Variants in OSBPL5 observed in about 807,000 individuals in gnomAD.
The protein encoded by OSBPL5 is oxysterol binding protein like 5.
In OSBPL5, 71 loss-of-function variants were observed where a neutral mutation model predicts 111.2. That is an observed-to-expected ratio of 0.64 (90% CI 0.53 to 0.78). The LOEUF (loss-of-function observed/expected upper bound fraction) is 0.78, where lower values mean the gene tolerates loss of function less well. Among genes scored for constraint, OSBPL5 ranks in the 30% least tolerant of loss-of-function variants. OSBPL5 has a pLI of 0.00. For synonymous variants in OSBPL5, 549 were observed against 513.9 expected, an observed-to-expected ratio of 1.07 and a Z score of -0.93; for missense variants, 1,210 against 1,189.3, an observed-to-expected ratio of 1.02 and a Z score of -0.26.
intron 3 of OSBPL5, among the ~76,000 whole-genome samples, chr11:3,122,739 G>T (rs1239552245): frequency 1.3e-5 from 2 of 152,212 alleles, no homozygotes; most frequent in African/African-American, 4.8e-5. Flanking sequence ...GGGACATCAG[G>T]GTTCAGGGCT....
At position 3,120,460 on chromosome 11, in the gene OSBPL5, C is replaced by G; in HGVS notation, c.567G>C (p.Lys189Asn). 1 of 1,613,306 alleles carries G rather than the reference C, an allele frequency of 6.2e-7. No homozygotes were observed. The highest frequency in any genetic ancestry group is 8.5e-7 in the Non-Finnish European group (1 of 1,180,018). Residue 189 changes from lysine (K) to asparagine (N), a missense_variant, in exon 6 of 22, where the codon AAG (lysine) becomes AAC (asparagine). By Grantham distance (94) the Lys-to-Asn change is moderately conservative (BLOSUM62 0). Coordinates refer to ENST00000263650, the MANE Select transcript of OSBPL5 (RefSeq NM_020896.4). The part of the protein sequence containing the change: ...RPSKKDGFCF[K>N]LFHPLDQSVW... Reference sequence around the variant, plus strand: ...CGGACTGATCCAGCGGGTGGAAGAGCTTGAAGCAGAAGCCGTCCTTCTTGG... The same window carrying G: ...CGGACTGATCCAGCGGGTGGAAGAGGTTGAAGCAGAAGCCGTCCTTCTTGG...
chr11:3,126,612 A>G lies in OSBPL5; in HGVS notation c.137-57T>C, dbSNP rs1287849320. 2.7e-6 allele frequency: 4 copies of G among 1,479,362 alleles called. No individual in the cohort carries two copies. The highest frequency in any genetic ancestry group is 2.4e-5 in the East Asian group (1 of 41,758). The allele number at this position is 1,479,362 out of a possible 1,614,324, so 91.6% of individuals were successfully genotyped here. On this transcript the variant is annotated intron_variant, in intron 2 of 21. Coordinates refer to ENST00000263650, the MANE Select transcript of OSBPL5 (RefSeq NM_020896.4). The surrounding 1 kb of genome is among the most constrained non-coding windows in gnomAD (Gnocchi z 6.5). The stretch of plus-strand genomic sequence containing the variant: ...GCATGGTGGCGTGGCCAGGCTTCTC[A>G]GGCCGCTGCCTGGTGTGAGGCAGGC...
At chr11:3,095,243 G>A (rs565851136) in intron 14 of OSBPL5, among the ~76,000 whole-genome samples, 11 of 151,250 alleles carry the variant, frequency 7.3e-5, no homozygotes, top group Non-Finnish European at 1.2e-4. Context: ...CCCAGGAGGC[G>A]GAGGTTGTAG....
At chr11:3,132,009 GCATC>G (rs57904462) in intron 1 of OSBPL5, among the ~76,000 whole-genome samples, 9,115 of 39,884 alleles carry the variant, frequency 0.23, 923 homozygotes, top group African/African-American at 0.38. Flanking sequence ...TCCCTTTCAG[GCATC>G]CATCCATCCA....
intron 3 of OSBPL5, among the ~76,000 whole-genome samples, chr11:3,125,562 T>C (rs888704416): frequency 6.6e-6 from 1 of 152,092 alleles, no homozygotes; most frequent in Non-Finnish European, 1.5e-5. Flanking sequence ...TCCCAGCACT[T>C]TGGGAGGCCG....
rs759759875 is a variant in OSBPL5 at position 3,093,004 on chromosome 11, C to T, written c.1995G>A (p.Arg665=). The change falls in exon 18 of 22, where the codon AGG becomes AGA. Residue 665 remains arginine, a synonymous_variant. Transcript: ENST00000263650. ...TRAISKGDQH[R]ATQEKFALEE... ...CCAGTGCAAACTTCTCCTGTGTGGC[C>T]CTGTGCTGGTCGCCCTTGCTGATGG... 1.2e-5 allele frequency: 19 copies of T among 1,604,868 alleles called. No individual in the cohort carries two copies. The South Asian group carries it at 2.0e-4, about 17-fold the overall frequency.
At chr11:3,096,673 G>A (rs1195796646) in intron 14 of OSBPL5, among the ~76,000 whole-genome samples, 1 of 151,592 alleles carries the variant, frequency 6.6e-6, no homozygotes, top group Non-Finnish European at 1.5e-5. Context: ...TAACTTTAGT[G>A]ATATAAAATA....
intron 20 of OSBPL5, among the ~76,000 whole-genome samples, chr11:3,090,320 C>A (rs1857012513): frequency 6.6e-6 from 1 of 152,182 alleles, no homozygotes; most frequent in Non-Finnish European, 1.5e-5. Flanking sequence ...GAGCCCCTGG[C>A]CTGGGCCCAC....
rs1000269626 is a variant in OSBPL5, at chr11:3,121,990, C to T, written c.402+7G>A. The T allele has an allele frequency of 6.4e-7, 1 of 1,556,732 alleles. No individual in the cohort carries two copies. The highest frequency in any genetic ancestry group is 8.7e-7 in the Non-Finnish European group (1 of 1,155,190). ...TCCTGGGTGGCCGGAGGCCGGGCAT[C>T]ACCTACCTTCAGGCTGTCAGCCATG... On this transcript the variant is annotated splice_region_variant and intron_variant, in intron 5 of 21. Coordinates refer to ENST00000263650, the MANE Select transcript of OSBPL5 (RefSeq NM_020896.4). The surrounding 1 kb of genome is among the most constrained non-coding windows in gnomAD (Gnocchi z 4.3).
intron 7 of OSBPL5, among the ~76,000 whole-genome samples, chr11:3,115,887 T>TTTA (rs34428005): frequency 2.6e-5 from 4 of 151,624 alleles, no homozygotes; most frequent in East Asian, 1.9e-4. Context: ...TTTTTTTTTT[T>TTTA]AAATCCTTGA....
chr11:3,102,973 G>GC (rs1857509049), intron 11 of OSBPL5, among the ~76,000 whole-genome samples: 1 of 152,138 alleles, frequency 6.6e-6, no homozygotes, highest in Non-Finnish European at 1.5e-5. Context: ...TTTCTTGGGG[G>GC]GTGGGGAAGG....
rs995994317 is a variant in OSBPL5 at position 3,126,169 on chromosome 11, C to T, written c.219+304G>A. Among the ~76,000 whole-genome samples the T allele has an allele frequency of 1.5e-4, 23 of 152,282 alleles. No individual in the cohort carries two copies. The highest frequency in any genetic ancestry group is 5.3e-4 in the African/African-American group (22 of 41,564). ...GAGTTCTATATTATCCTGGAATTACCATGTGACCTAGCAATTCCAATTACT... is the reference window on the plus strand; with the variant it reads ...GAGTTCTATATTATCCTGGAATTACTATGTGACCTAGCAATTCCAATTACT... On this transcript the variant is annotated intron_variant, in intron 3 of 21. Transcript: ENST00000263650. This position sits in a 1 kb window ranked among gnomAD's most constrained non-coding sequence, Gnocchi z 6.5.
chr11:3,093,984 G>C lies in OSBPL5; in HGVS notation c.1720-149C>G, dbSNP rs1205781658. Reference sequence around the variant, plus strand: ...CAACCCTCGCCAACGAGGCCTTCGGGACCCCCACGCCTCCGCTCAAGGATG... The same window carrying C: ...CAACCCTCGCCAACGAGGCCTTCGGCACCCCCACGCCTCCGCTCAAGGATG... On this transcript the variant is annotated intron_variant, in intron 15 of 21. Transcript: ENST00000263650. 3.1e-6 allele frequency: 3 copies of C among 982,084 alleles called. No individual in the cohort carries two copies. In the African/African-American group the frequency reaches 4.9e-5, roughly 16 times the overall value. The allele number at this position is 982,084 out of a possible 1,614,324, so 60.8% of individuals were successfully genotyped here.
Position 3,104,474 on chromosome 11 carries a change from C to A in OSBPL5, c.1060-97G>T. On this transcript the variant is annotated intron_variant, in intron 9 of 21. Transcript: ENST00000263650. The surrounding 1 kb of genome is among the most constrained non-coding windows in gnomAD (Gnocchi z 5.0). Reference sequence around the variant, plus strand: ...CTCTGGCTGGAGGAGGCTGTACCTGCCACCCCTTAGGGTGTAAACCCCTGA... The same window carrying A: ...CTCTGGCTGGAGGAGGCTGTACCTGACACCCCTTAGGGTGTAAACCCCTGA... The A allele has an allele frequency of 7.2e-7, 1 of 1,383,164 alleles. No individual in the cohort carries two copies. The highest frequency in any genetic ancestry group is 9.8e-7 in the Non-Finnish European group (1 of 1,024,518). The allele number at this position is 1,383,164 out of a possible 1,614,324, so 85.7% of individuals were successfully genotyped here. A position where few individuals can be genotyped will look rare whatever the true frequency, so the allele number is the denominator to read the frequency against.
intron 10 of OSBPL5, among the ~76,000 whole-genome samples, chr11:3,103,718 G>GCGTACCCCCTTCCAGC (rs1564829568): frequency 1.5e-4 from 12 of 80,064 alleles, no homozygotes; most frequent in African/African-American, 2.5e-4. Context: ...CCCCTTCCAG[G>GCGTACCCCCTTCCAGC]CTCTGCTGCC....
intron 7 of OSBPL5, among the ~76,000 whole-genome samples, chr11:3,112,892 T>G (rs1286423612): frequency 1.3e-5 from 2 of 152,364 alleles, no homozygotes; most frequent in Non-Finnish European, 2.9e-5. Flanking sequence ...AATTTAAGGC[T>G]ATTTAGCTGA....
At position 3,141,183 on chromosome 11, in the gene OSBPL5, C is replaced by A. The variant is rs1212683082; in HGVS notation, c.-21-12014G>T. 6.6e-6 allele frequency among the ~76,000 whole-genome samples: 1 copy of A among 152,210 alleles called. No individual in the cohort carries two copies. The highest frequency in any genetic ancestry group is 2.1e-4 in the South Asian group (1 of 4,830). ...TGCTGACAGCCACCCAGGCTTCCCC[C>A]CGCCCAGCAGACAGTATCGTCATCA... On this transcript the variant is annotated intron_variant, in intron 1 of 21. Transcript: ENST00000263650. The surrounding 1 kb of genome is among the most constrained non-coding windows in gnomAD (Gnocchi z 6.5).
At chr11:3,090,916 A>G (rs1012696849) in intron 19 of OSBPL5, among the ~76,000 whole-genome samples, 1 of 152,218 alleles carries the variant, frequency 6.6e-6, no homozygotes, top group African/African-American at 2.4e-5. Flanking sequence ...TGGGTGAGAC[A>G]GAGCTACTGA....
Position 3,130,706 on chromosome 11 carries a change from T to TA in OSBPL5, c.-21-1538_-21-1537insT, listed in dbSNP as rs1325772333. ...GAGCTAACAATCAGCAATGCCGTCCTTAAGCCAGGTGGAACCGATCCTAAA... is the reference window on the plus strand; with the variant it reads ...GAGCTAACAATCAGCAATGCCGTCCTATAAGCCAGGTGGAACCGATCCTAAA... On this transcript the variant is annotated intron_variant, in intron 1 of 21. Transcript: ENST00000263650. This position sits in a 1 kb window ranked among gnomAD's most constrained non-coding sequence, Gnocchi z 4.5. Among the ~76,000 whole-genome samples, 1 of 152,222 alleles carries TA rather than the reference T, an allele frequency of 6.6e-6. No individual in the cohort carries two copies. Among genetic ancestry groups the TA allele is most frequent in the Non-Finnish European group, 1.5e-5 (1 of 68,030 alleles).
Sources: allele counts gnomAD v4.1 joint callset (sites outside exome capture counted in the v4.1 genomes callset), GRCh38; gene constraint gnomAD v4.1.1; non-coding constraint Gnocchi (gnomAD v3.1); transcripts MANE v1.5; gene names NCBI Gene and HGNC (gene_info 2026-07-23, HGNC 2026-07-21).